Variants in FUS observed in about 807,000 individuals in gnomAD.
The protein encoded by FUS is RNA-binding protein FUS.
A neutral mutation model predicts 82.7 loss-of-function variants in FUS; 5 were observed. The ratio of observed to expected loss-of-function variants is 0.06; its 90% CI spans 0.03 to 0.13. The LOEUF is 0.13. Ranked by LOEUF, FUS falls within the 10% of genes least tolerant of loss-of-function variation. The probability of loss-of-function intolerance (pLI) is 1.00; values close to 1 mark genes in which losing one functional copy is unlikely to be tolerated. For missense variants in FUS, 512 were observed against 707.8 expected (o/e 0.72, Z 3.14); for synonymous variants, 281 against 247.4 (o/e 1.14, Z -1.27).
chr16:31,185,745 C>G (rs966678538), intron 6 of FUS: 6 of 334,072 alleles, frequency 1.8e-5, no homozygotes, highest in Non-Finnish European at 3.6e-5. Context: ...GTAAGCAGAC[C>G]TTTTGGGCAA....
At chr16:31,188,874 C>T (rs1160184621) in intron 8 of FUS, 2 of 543,678 alleles carry the variant, frequency 3.7e-6, no homozygotes, top group Non-Finnish European at 6.6e-6. Context: ...GGGCATTTCA[C>T]TCCTGAGCCC....
At chr16:31,182,284 C>G in intron 1 of FUS, 114 bp from the exon 2 acceptor site, 1 of 1,258,032 alleles carries the variant, frequency 7.9e-7, no homozygotes, top group Non-Finnish European at 1.2e-6. Context: ...ATCCACCGTG[C>G]CTGGCCTACG....
At chr16:31,193,819 CTTTTTT>C (rs753379140), downstream of FUS, 1 of 274,702 alleles carries the variant, frequency 3.6e-6, no homozygotes, top group Admixed American at 3.9e-5. Context: ...TTTTTAATTA[CTTTTTT>C]TTTTTTAAGA....
intron 6 of FUS, chr16:31,185,467 ATATCC>A: frequency 1.6e-6 from 1 of 644,874 alleles, no homozygotes; most frequent in Non-Finnish European, 2.9e-6. Flanking sequence ...GGAGTCATTA[ATATCC>A]TAGGCAAGAA....
chr16:31,187,612 G>C, intron 7 of FUS: 1 of 231,530 alleles, frequency 4.3e-6, no homozygotes, highest in East Asian at 6.2e-5. Context: ...AAGATTTAAA[G>C]CCAAAGGTGT....
chr16:31,192,439 C>G (rs1331154740), downstream of FUS: 6 of 522,498 alleles, frequency 1.1e-5, no homozygotes, highest in South Asian at 7.7e-5. Flanking sequence ...TAACATTAAC[C>G]CAAGAGCAGA....
At chr16:31,190,692 T>C in intron 12 of FUS, 50 bp from the exon 13 acceptor site, 1 of 1,515,194 alleles carries the variant, frequency 6.6e-7, no homozygotes, top group South Asian at 1.1e-5. Flanking sequence ...TAGTTCTAGG[T>C]CTTGCCTATT....
rs371298981 is a variant in FUS at position 31,184,205 on chromosome 16, C to G, written c.336-4C>G. ...TGATTGTGTTTTTTGTTTGTTTTCC[C>G]TAGTTACGGTAGCAGTTCTCAGAGC... is the stretch of plus-strand genomic sequence containing the variant. On this transcript the variant is annotated splice_polypyrimidine_tract_variant and splice_region_variant and intron_variant, in intron 4 of 14. Coordinates refer to ENST00000254108, the MANE Select transcript of FUS (RefSeq NM_004960.4). 4.3e-6 allele frequency: 7 copies of G among 1,613,998 alleles called. No individual in the cohort carries two copies. In the African/African-American group the frequency reaches 8.0e-5, roughly 18 times the overall value.
At chr16:31,191,720 G>A (rs928323867), downstream of FUS, 2 of 663,396 alleles carry the variant, frequency 3.0e-6, no homozygotes, top group South Asian at 1.5e-5. Context: ...TACAGTGTTC[G>A]GGGAGAAGGC....
At chr16:31,184,472 CTG>C (rs2079230959) in intron 5 of FUS, 76 bp downstream of exon 5, 1 of 1,351,826 alleles carries the variant, frequency 7.4e-7, no homozygotes. Context: ...GAGTCTTGCT[CTG>C]TCTCTGTTGC....
intron 1 of FUS, among the ~76,000 whole-genome samples, chr16:31,181,039 A>C (rs1278768944): frequency 1.3e-5 from 2 of 151,744 alleles, no homozygotes; most frequent in African/African-American, 4.8e-5. Flanking sequence ...CAGCCTCCTG[A>C]GTAGTTGGGA....
At chr16:31,186,685 T>C in intron 6 of FUS, 117 bp from the exon 7 acceptor site, 5 of 919,558 alleles carry the variant, frequency 5.4e-6, no homozygotes, top group Non-Finnish European at 9.0e-6. Context: ...TAGTAGCCAC[T>C]TGTATCTTTT....
chr16:31,194,740 C>CA (rs1241520123), downstream of FUS: 1 of 484,566 alleles, frequency 2.1e-6, no homozygotes, highest in Non-Finnish European at 4.1e-6. Context: ...TGAGAACATA[C>CA]AAAGCCACTC....
intron 7 of FUS, chr16:31,188,008 A>G (rs934866661): frequency 8.8e-6 from 4 of 456,138 alleles, no homozygotes; most frequent in African/African-American, 7.9e-5. Flanking sequence ...GTTCACTTTA[A>G]TGGGTCTCCG....
downstream of FUS, chr16:31,191,894 T>G (rs1166651589): frequency 1.9e-6 from 1 of 538,726 alleles, no homozygotes; most frequent in Admixed American, 2.2e-5. Context: ...GGTCTTAGTT[T>G]ATTTGCAGCA....
chr16:31,183,436 A>T (rs1423060235), intron 3 of FUS: 1 of 197,946 alleles, frequency 5.1e-6, no homozygotes, highest in African/African-American at 2.3e-5. Flanking sequence ...CAATTCTGAA[A>T]TGGAGAAAAT....
At chr16:31,188,959 C>T (rs2079312435) in intron 8 of FUS, 164 bp from the exon 9 acceptor site, 2 of 652,176 alleles carry the variant, frequency 3.1e-6, no homozygotes, top group Non-Finnish European at 5.5e-6. Flanking sequence ...AATTTATCAG[C>T]ATGGCTGGCA....
chr16:31,193,084 C>T (rs1013470473), downstream of FUS: 3 of 483,812 alleles, frequency 6.2e-6, no homozygotes, highest in Middle Eastern at 6.0e-4. Flanking sequence ...GGATTACAGG[C>T]ATGCGCCACC....
At chr16:31,191,943 T>A (rs1484396334), downstream of FUS, 2 of 533,464 alleles carry the variant, frequency 3.7e-6, no homozygotes, top group East Asian at 7.8e-5. Context: ...CTTTTGGCCC[T>A]TTTAATGGTG....
Sources: allele counts gnomAD v4.1 joint callset (sites outside exome capture counted in the v4.1 genomes callset), GRCh38; gene constraint gnomAD v4.1.1; transcripts MANE v1.5; gene names NCBI Gene and HGNC (gene_info 2026-07-23, HGNC 2026-07-21).